Variants in BICRAL observed in about 807,000 individuals in gnomAD.
BICRAL encodes the protein BICRA like chromatin remodeling complex associated protein, also known as BRD4-interacting chromatin-remodeling complex-associated protein-like.
A neutral mutation model predicts 91.8 loss-of-function variants in BICRAL; 8 were observed. The ratio of observed to expected loss-of-function variants is 0.09; its 90% CI spans 0.05 to 0.16. BICRAL has a LOEUF of 0.16. BICRAL is among the 10% of genes least tolerant of loss of function. The pLI is 1.00. For synonymous variants in BICRAL, 445 were observed against 491.1 expected (o/e 0.91, Z 1.24); for missense variants, 1,038 against 1,310.9 (o/e 0.79, Z 3.21).
chr6:42,832,707 C>T (rs1040293899), intron 6 of BICRAL, among the ~76,000 whole-genome samples: 12 of 150,872 alleles, frequency 8.0e-5, no homozygotes, highest in Non-Finnish European at 1.3e-4. Flanking sequence ...CTTTTCTCTC[C>T]CTTTGTCTCT....
At chr6:42,846,636 AAGGAAGTAGTT>A (rs775243141) in intron 6 of BICRAL, among the ~76,000 whole-genome samples, 19 of 152,162 alleles carry the variant, frequency 1.2e-4, no homozygotes, top group Non-Finnish European at 2.5e-4. Flanking sequence ...TGGGCGGCAC[AAGGAAGTAGTT>A]TTCCAGGGCC....
intron 6 of BICRAL, among the ~76,000 whole-genome samples, chr6:42,841,408 C>T (rs909496895): frequency 2.0e-5 from 3 of 151,870 alleles, no homozygotes; most frequent in South Asian, 2.1e-4. Context: ...AGGCTGGTCT[C>T]GAACTCCTGA....
chr6:42,853,574 G>C, intron 7 of BICRAL, 64 bp from the exon 8 acceptor site: 1 of 1,168,766 alleles, frequency 8.6e-7, no homozygotes, highest in Non-Finnish European at 1.3e-6. Context: ...TGGGTTCTAG[G>C]GTTATATGAT....
At chr6:42,776,397 G>C (rs1762808564) in intron 1 of BICRAL, among the ~76,000 whole-genome samples, 1 of 151,740 alleles carries the variant, frequency 6.6e-6, no homozygotes, top group African/African-American at 2.4e-5. Flanking sequence ...GCCCAGGCTG[G>C]AGTGCAGTGG....
Position 42,774,594 on chromosome 6 carries a change from A to G in BICRAL, c.-260-7245A>G, listed in dbSNP as rs367997639. Among the ~76,000 whole-genome samples, 3 of 151,912 alleles carry G rather than the reference A, an allele frequency of 2.0e-5. No individual in the cohort carries two copies. In the South Asian group the frequency reaches 6.3e-4, roughly 32 times the overall value. ...CACCTAACTAGTAGTTGATTGTATG[A>G]TTTATAGTGAGAGAGATATATAAAC... is the stretch of plus-strand genomic sequence containing the variant. On this transcript the variant is annotated intron_variant, in intron 1 of 14. Coordinates refer to the BICRAL transcript ENST00000614467.
At chr6:42,847,204 C>T (rs1044764933) in intron 6 of BICRAL, among the ~76,000 whole-genome samples, 1 of 151,948 alleles carries the variant, frequency 6.6e-6, no homozygotes, top group African/African-American at 2.4e-5. Flanking sequence ...GAGCTAAGAT[C>T]GTGCCACTAC....
At position 42,799,666 on chromosome 6, in the gene BICRAL, CA is replaced by C. The variant is rs540526191; in HGVS notation, c.-101-10637del. Among the ~76,000 whole-genome samples the C allele has an allele frequency of 1.1e-4, 16 of 152,214 alleles. No homozygotes were observed. In the South Asian group the frequency reaches 3.3e-3, roughly 32 times the overall value. On this transcript the variant is annotated intron_variant, in intron 1 of 12. Coordinates refer to ENST00000314073, the MANE Select transcript of BICRAL (RefSeq NM_001393499.1). ...CTATGTATCTCATGATCTCTTGATA[CA>C]AATAATTACAATACAAATTCCAGTT... is the stretch of plus-strand genomic sequence containing the variant.
chr6:42,862,686 G>C (rs1765590977), intron 12 of BICRAL, 74 bp downstream of exon 12: 5 of 907,180 alleles, frequency 5.5e-6, no homozygotes, highest in Middle Eastern at 4.3e-4. Flanking sequence ...TTGGCAGTCT[G>C]TCTGAACTTT....
chr6:42,799,815 A>C (rs1441575394), intron 1 of BICRAL, among the ~76,000 whole-genome samples: 2 of 152,156 alleles, frequency 1.3e-5, no homozygotes, highest in African/African-American at 4.8e-5. Context: ...ACTCATTGTG[A>C]AACCTTGCTT....
intron 1 of BICRAL, among the ~76,000 whole-genome samples, chr6:42,749,905 A>G (rs916402793): frequency 9.9e-5 from 15 of 151,226 alleles, no homozygotes; most frequent in Middle Eastern, 3.4e-3. Flanking sequence ...CCCAGGCCAG[A>G]GTGCAGTGGC....
At chr6:42,778,422 T>C (rs967933651), upstream of BICRAL, among the ~76,000 whole-genome samples, 8 of 152,202 alleles carry the variant, frequency 5.3e-5, no homozygotes, top group African/African-American at 1.9e-4. Context: ...AAAATCAAGA[T>C]AATTAAACCT....
Position 42,829,815 on chromosome 6 carries a change from T to C in BICRAL, c.1482T>C (p.Leu494=). 6.2e-7 allele frequency: 1 copy of C among 1,614,216 alleles called. No individual in the cohort carries two copies. Among genetic ancestry groups the C allele is most frequent in the East Asian group, 2.2e-5 (1 of 44,880 alleles). ...TAGCCAATCATGCCTCTCCTCAGCT[T>C]GTGGGTGGACAGATGCCCTTGCAGC... ...PVIANHASPQ[L]VGGQMPLQQA... Residue 494 remains leucine, a synonymous_variant, in exon 6 of 13, where the codon CTT becomes CTC. Transcript: ENST00000314073.
intron 1 of BICRAL, among the ~76,000 whole-genome samples, chr6:42,776,543 T>C (rs1014325272): frequency 1.3e-5 from 2 of 151,796 alleles, no homozygotes; most frequent in Non-Finnish European, 2.9e-5. Flanking sequence ...AAATGGGATC[T>C]GACCATGTTG....
Position 42,864,951 on chromosome 6 carries a change from G to T in BICRAL, c.2745G>T (p.Gln915His). The change falls in exon 13 of 13, where the codon CAG (glutamine) becomes CAT (histidine). Residue 915 changes from glutamine (Q) to histidine (H), a missense_variant. Gln to His is a conservative substitution (Grantham distance 24). Coordinates refer to ENST00000314073, the MANE Select transcript of BICRAL (RefSeq NM_001393499.1). ...KFDKVGLVQY[Q>H]STSEEKASRR... is the part of the protein sequence containing the mutation. Reference sequence around the variant, plus strand: ...ACAAAGTGGGCTTAGTGCAGTACCAGAGCACGTCTGAAGAGAAGGCCAGCC... The same window carrying T: ...ACAAAGTGGGCTTAGTGCAGTACCATAGCACGTCTGAAGAGAAGGCCAGCC... The T allele has an allele frequency of 6.2e-7, 1 of 1,614,174 alleles. No individual in the cohort carries two copies. Among genetic ancestry groups the T allele is most frequent in the Non-Finnish European group, 8.5e-7 (1 of 1,180,048 alleles).
At chr6:42,840,120 T>C (rs1370110825) in intron 6 of BICRAL, among the ~76,000 whole-genome samples, 8 of 152,186 alleles carry the variant, frequency 5.3e-5, no homozygotes, top group Non-Finnish European at 1.2e-4. Flanking sequence ...TTGTCCAAGC[T>C]GAACTCCTGG....
Position 42,856,207 on chromosome 6 carries a change from C to T in BICRAL, c.2108+290C>T, listed in dbSNP as rs533893590. ...TGGTACGGGCCTGTAGTCCCAGCTA[C>T]TTGGGAGGCTGAGGTGGGAGGATAG... On this transcript the variant is annotated intron_variant, in intron 9 of 12. Transcript: ENST00000314073. Among the ~76,000 whole-genome samples, 3 of 151,798 alleles carry T rather than the reference C, an allele frequency of 2.0e-5. No individual in the cohort carries two copies. The South Asian group carries it at 6.3e-4, about 32-fold the overall frequency.
Position 42,834,302 on chromosome 6 carries a change from G to T in BICRAL, c.1839+4130G>T, listed in dbSNP as rs79559296. Among the ~76,000 whole-genome samples, 952 of 152,314 alleles carry T rather than the reference G, an allele frequency of 6.3e-3. 53 individuals carry two copies. The East Asian group carries it at 0.12, about 20-fold the overall frequency. Reference sequence around the variant, plus strand: ...GCTGGTGATCTCACCTTGAACACTTGCATAAGATGTTGTCCTTCAGGTTTC... The same window carrying T: ...GCTGGTGATCTCACCTTGAACACTTTCATAAGATGTTGTCCTTCAGGTTTC... On this transcript the variant is annotated intron_variant, in intron 6 of 12. Transcript: ENST00000314073.
intron 1 of BICRAL, among the ~76,000 whole-genome samples, chr6:42,807,738 G>A (rs935267023): frequency 6.7e-6 from 1 of 149,848 alleles, no homozygotes; most frequent in Admixed American, 6.7e-5. Context: ...CCTGGGAGGC[G>A]GAGGTTGCAG....
chr6:42,803,644 C>T (rs1981008), intron 1 of BICRAL, among the ~76,000 whole-genome samples: 53,381 of 152,102 alleles, frequency 0.35, 9,659 homozygotes, highest in South Asian at 0.47. Context: ...TTGCACTAAA[C>T]TCTGCTAACA....
Sources: gnomAD v4.1 joint callset for allele counts (sites outside exome capture counted in the v4.1 genomes callset) on GRCh38, gnomAD v4.1.1 for gene constraint, MANE v1.5 for transcripts, NCBI Gene and HGNC (gene_info 2026-07-23, HGNC 2026-07-21) for gene names.